TMOD3: variants seen among roughly 807,000 people sequenced by gnomAD.
The protein encoded by TMOD3 is tropomodulin 3.
TMOD3 carries 20 observed loss-of-function variants against 39.2 expected under a neutral mutation model. The ratio of observed to expected loss-of-function variants is 0.51; its 90% CI spans 0.36 to 0.74. TMOD3 has a LOEUF of 0.74. Among genes scored for constraint, TMOD3 ranks in the 30% least tolerant of loss-of-function variants. TMOD3 has a pLI of 0.00. For missense variants in TMOD3, 381 were observed against 412.8 expected (o/e 0.92, Z 0.67); for synonymous variants, 143 against 145.8 (o/e 0.98, Z 0.14).
rs554729313 is a variant in TMOD3, at chr15:51,900,832, G to C, written c.879+534G>C. On this transcript the variant is annotated intron_variant, in intron 8 of 9. Transcript: ENST00000308580. ...TTTAACCCAGTGCTTCATAATCCAT[G>C]TTTTTCATTTTTTTATTGAGATATA... is the stretch of plus-strand genomic sequence containing the variant. Among the ~76,000 whole-genome samples the C allele has an allele frequency of 3.9e-5, 6 of 152,194 alleles. No individual in the cohort carries two copies. In the East Asian group the frequency reaches 1.2e-3, roughly 29 times the overall value.
At chr15:51,849,628 T>C (rs572511575) in intron 1 of TMOD3, among the ~76,000 whole-genome samples, 28 of 152,224 alleles carry the variant, frequency 1.8e-4, no homozygotes, top group Admixed American at 1.8e-3. Context: ...CCAGACACTG[T>C]GTCTAATAGG....
At chr15:51,902,642 G>GTTTTTTT (rs1286780618) in intron 9 of TMOD3, among the ~76,000 whole-genome samples, 9 of 63,352 alleles carry the variant, frequency 1.4e-4, no homozygotes, top group South Asian at 6.0e-4. Flanking sequence ...GCTAATTTTT[G>GTTTTTTT]TATTTTTTTT....
At chr15:51,873,828 G>A (rs2623273) in intron 3 of TMOD3, among the ~76,000 whole-genome samples, 5,084 of 152,080 alleles carry the variant, frequency 0.033, 285 homozygotes, top group African/African-American at 0.12. Flanking sequence ...CACCATGTTG[G>A]TCAGGCTGGT....
In TMOD3 at chr15:51,903,413, C is replaced by T. The variant is rs577166915; in HGVS notation, c.1024+1377C>T. On this transcript the variant is annotated intron_variant, in intron 9 of 9. Transcript: ENST00000308580. ...CTTCTCAAAAGGAGTGACATTTCAA[C>T]GTGTTGCCATTCTCTTAAGCTTCAG... Among the ~76,000 whole-genome samples, 7 of 152,314 alleles carry T rather than the reference C, an allele frequency of 4.6e-5. No individual in the cohort carries two copies. The South Asian group carries it at 1.0e-3, about 23-fold the overall frequency.
At chr15:51,890,535 T>G (rs777384314) in intron 5 of TMOD3, among the ~76,000 whole-genome samples, 1 of 152,050 alleles carries the variant, frequency 6.6e-6, no homozygotes, top group Non-Finnish European at 1.5e-5. Context: ...GGACGTGAAG[T>G]ACTCTTATTA....
At position 51,893,897 on chromosome 15, in the gene TMOD3, T is replaced by C. The variant is rs367547194; in HGVS notation, c.579T>C (p.Thr193=). Residue 193 remains threonine, a synonymous_variant, in exon 6 of 10, where the codon ACT becomes ACC. Coordinates refer to ENST00000308580, the MANE Select transcript of TMOD3 (RefSeq NM_014547.5). ...ATGTAGAAGAGAGTTTGAAGAGAAC[T>C]AAAGAAAACGATGCTCATCTTGTTG... is the stretch of plus-strand genomic sequence containing the variant. ...PTNVEESLKR[T]KENDAHLVEV... is the part of the protein sequence containing the mutation. 5 of 1,609,604 alleles carry C rather than the reference T, an allele frequency of 3.1e-6. No individual in the cohort carries two copies. The highest frequency in any genetic ancestry group is 4.2e-6 in the Non-Finnish European group (5 of 1,177,610).
rs765884770 is a variant in TMOD3 at position 51,889,093 on chromosome 15, G to T, written c.444G>T (p.Lys148Asn). 8.2e-6 allele frequency: 13 copies of T among 1,592,956 alleles called. No individual in the cohort carries two copies. Among genetic ancestry groups the T allele is most frequent in the Non-Finnish European group, 1.0e-5 (12 of 1,173,790 alleles). Residue 148 changes from lysine (K) to asparagine (N), a missense_variant, in exon 5 of 10, where the codon AAG (lysine) becomes AAT (asparagine). Transcript: ENST00000308580. ...TGCACAATTTGATAACGAATACAAA[G>T]TTCTGTAATATAATGGGAAGTAGTA... ...LGMHNLITNT[K>N]FCNIMGSSNG...
At chr15:51,906,495 G>C (rs1391377116) in intron 9 of TMOD3, among the ~76,000 whole-genome samples, 1 of 152,148 alleles carries the variant, frequency 6.6e-6, no homozygotes. Flanking sequence ...TGTCACAGCT[G>C]TAACAGCAAA....
rs757650323 is a variant in TMOD3, at chr15:51,887,604, C to A, written c.299C>A (p.Pro100His). 5 of 1,611,276 alleles carry A rather than the reference C, an allele frequency of 3.1e-6. No homozygotes were observed. The South Asian group carries it at 5.5e-5, about 18-fold the overall frequency. ...TGEKKGKIFI[P>H]KQKPVQTFTE... ...TATTTTACAGGGAAAATATTTATCCCCAAACAGAAACCTGTACAGACTTTT... is the reference window on the plus strand; with the variant it reads ...TATTTTACAGGGAAAATATTTATCCACAAACAGAAACCTGTACAGACTTTT... Residue 100 changes from proline (P) to histidine (H), a missense_variant, in exon 4 of 10, where the codon CCC becomes CAC. Pro to His is a moderately conservative substitution (Grantham distance 77). Transcript: ENST00000308580.
intron 1 of TMOD3, among the ~76,000 whole-genome samples, chr15:51,847,962 G>A (rs2623248): frequency 0.05 from 7,546 of 152,132 alleles, 431 homozygotes; most frequent in African/African-American, 0.12. Flanking sequence ...TGAGTAGGTC[G>A]TGAGGATAGA....
Position 51,872,829 on chromosome 15 carries a change from C to T in TMOD3, c.283+3456C>T, listed in dbSNP as rs116929005. Among the ~76,000 whole-genome samples the T allele has an allele frequency of 5.2e-3, 796 of 152,162 alleles. 2 individuals carry two copies. The highest frequency in any genetic ancestry group is 8.4e-3 in the Non-Finnish European group (574 of 67,988). ...AAAGGATCATATGGGAGATGATTAC[C>T]GAACAAGAGATTTTCATTCTCTGTC... On this transcript the variant is annotated intron_variant, in intron 3 of 9. Transcript: ENST00000308580.
chr15:51,842,284 T>C (rs1475431516), intron 1 of TMOD3, among the ~76,000 whole-genome samples: 1 of 152,198 alleles, frequency 6.6e-6, no homozygotes, highest in Non-Finnish European at 1.5e-5. Context: ...ATGCTGCTTC[T>C]CCATAGGCGA....
At chr15:51,877,048 G>A (rs545614354) in intron 3 of TMOD3, among the ~76,000 whole-genome samples, 1 of 152,232 alleles carries the variant, frequency 6.6e-6, no homozygotes, top group South Asian at 2.1e-4. Context: ...TGGCATCAGA[G>A]CGAGACTCTG....
In TMOD3 at chr15:51,882,114, C is replaced by T. The variant is rs1467410664; in HGVS notation, c.284-5475C>T. On this transcript the variant is annotated intron_variant, in intron 3 of 9. Coordinates refer to ENST00000308580, the MANE Select transcript of TMOD3 (RefSeq NM_014547.5). ...GTCACCTTGTTGGCCAGGCTGGTCTCGATCTCCTAACCTCAGGTGATCCAT... is the reference window on the plus strand; with the variant it reads ...GTCACCTTGTTGGCCAGGCTGGTCTTGATCTCCTAACCTCAGGTGATCCAT... 2.0e-5 allele frequency among the ~76,000 whole-genome samples: 3 copies of T among 151,898 alleles called. No individual in the cohort carries two copies. The South Asian group carries it at 6.3e-4, about 32-fold the overall frequency.
At chr15:51,900,492 G>T (rs1027198899) in intron 8 of TMOD3, among the ~76,000 whole-genome samples, 194 bp downstream of exon 8, 1 of 152,086 alleles carries the variant, frequency 6.6e-6, no homozygotes, top group Non-Finnish European at 1.5e-5. Context: ...CAATGTAAAG[G>T]TGTATACTCT....
chr15:51,847,673 C>G (rs191433582), intron 1 of TMOD3, among the ~76,000 whole-genome samples: 1 of 152,280 alleles, frequency 6.6e-6, no homozygotes, highest in African/African-American at 2.4e-5. Flanking sequence ...AATTCCAGCA[C>G]TTTGAGGGTC....
chr15:51,860,046 C>T (rs765142743), intron 1 of TMOD3: 41 of 530,404 alleles, frequency 7.7e-5, no homozygotes, highest in Non-Finnish European at 1.1e-4. Context: ...TCTTCATATA[C>T]GGCACAGCAT....
chr15:51,901,868 G>A lies in TMOD3; in HGVS notation c.880-24G>A, dbSNP rs775681106. 2.7e-5 allele frequency: 43 copies of A among 1,604,250 alleles called. No homozygotes were observed. The African/African-American group carries it at 4.3e-4, about 16-fold the overall frequency. On this transcript the variant is annotated intron_variant, in intron 8 of 9. Coordinates refer to ENST00000308580, the MANE Select transcript of TMOD3 (RefSeq NM_014547.5). The stretch of plus-strand genomic sequence containing the variant: ...TATTTTGATCTAGTTTATTAATATT[G>A]TTCTTTTTTTCTAATTACTCCAGAG...
intron 2 of TMOD3, 100 bp downstream of exon 2, chr15:51,863,110 C>T (rs760306210): frequency 2.2e-5 from 27 of 1,241,406 alleles, no homozygotes; most frequent in African/African-American, 3.0e-5. Flanking sequence ...CTGGCACCTT[C>T]CACCCTTTCC....
Sources: gnomAD v4.1 joint callset for allele counts (sites outside exome capture counted in the v4.1 genomes callset) on GRCh38, gnomAD v4.1.1 for gene constraint, MANE v1.5 for transcripts, NCBI Gene and HGNC (gene_info 2026-07-23, HGNC 2026-07-21) for gene names.